Variants in COL22A1 observed in about 807,000 individuals in gnomAD.
COL22A1 encodes collagen type XXII alpha 1 chain.
Under a neutral mutation model 248.9 loss-of-function variants are expected in COL22A1, and 221 were observed. The observed-to-expected ratio is 0.89, with a 90% CI of 0.80 to 0.99. COL22A1 has a LOEUF of 0.99. Ranked by LOEUF, COL22A1 falls within the 50% of genes least tolerant of loss-of-function variation. The probability of loss-of-function intolerance (pLI) is 0.00; values close to 1 mark genes in which losing one functional copy is unlikely to be tolerated. For synonymous variants in COL22A1, 891 were observed against 793.4 expected, an observed-to-expected ratio of 1.12 and a Z score of -2.07; for missense variants, 2,240 against 2,179.0, an observed-to-expected ratio of 1.03 and a Z score of -0.56.
At position 138,694,465 on chromosome 8, in the gene COL22A1, C is replaced by A. The variant is rs753271389; in HGVS notation, c.2700+43G>T. ...TGGAGCGAGAGAGTGTGGCTGGGAT[C>A]TCCAAGTCTCTGAGCCAGCAGGGGA... is the stretch of plus-strand genomic sequence containing the variant. On this transcript the variant is annotated intron_variant, in intron 34 of 64. Transcript: ENST00000303045. 1.0e-5 allele frequency: 16 copies of A among 1,594,300 alleles called. No homozygotes were observed. In the Admixed American group the frequency reaches 2.7e-4, roughly 27 times the overall value.
intron 1 of COL22A1, among the ~76,000 whole-genome samples, chr8:138,907,118 T>C (rs978680244): frequency 3.9e-5 from 6 of 152,190 alleles, no homozygotes; most frequent in African/African-American, 1.4e-4. Context: ...TCCCAGGGAA[T>C]TGACTCACAA....
chr8:138,723,571 G>T (rs967374310), intron 25 of COL22A1, among the ~76,000 whole-genome samples: 1 of 152,170 alleles, frequency 6.6e-6, no homozygotes, highest in Non-Finnish European at 1.5e-5. Flanking sequence ...CCTTTGGATC[G>T]GATGGGATTG....
At chr8:138,726,545 C>T (rs1253469079) in intron 23 of COL22A1, among the ~76,000 whole-genome samples, 1 of 147,598 alleles carries the variant, frequency 6.8e-6, no homozygotes, top group Non-Finnish European at 1.5e-5. Context: ...CCCAACTAAA[C>T]CTATGAGCAC....
intron 3 of COL22A1, among the ~76,000 whole-genome samples, chr8:138,867,893 C>T (rs11776018): frequency 0.62 from 94,777 of 151,778 alleles, 32,007 homozygotes; most frequent in East Asian, 0.98. Flanking sequence ...GCCTCCTGAG[C>T]AGCTGGGATT....
intron 45 of COL22A1, among the ~76,000 whole-genome samples, chr8:138,655,389 T>C (rs1823150916): frequency 1.3e-5 from 2 of 152,132 alleles, no homozygotes; most frequent in Non-Finnish European, 2.9e-5. Flanking sequence ...AACAGGGTCT[T>C]GCTCTGTCAC....
intron 4 of COL22A1, among the ~76,000 whole-genome samples, chr8:138,835,885 C>T (rs1459291589): frequency 6.6e-6 from 1 of 152,078 alleles, no homozygotes. Context: ...CATGCAAATC[C>T]CTGTTCCCAC....
intron 2 of COL22A1, among the ~76,000 whole-genome samples, chr8:138,880,749 T>G (rs755359307): frequency 2.6e-5 from 4 of 152,248 alleles, no homozygotes; most frequent in Non-Finnish European, 5.9e-5. Context: ...TTTTTTTCCT[T>G]GACACAAAAG....
At chr8:138,700,554 A>G (rs1827869503) in intron 31 of COL22A1, among the ~76,000 whole-genome samples, 5 of 152,202 alleles carry the variant, frequency 3.3e-5, no homozygotes. Flanking sequence ...TCAGGCAGGG[A>G]TGCAGGTGCG....
intron 30 of COL22A1, among the ~76,000 whole-genome samples, chr8:138,705,493 A>G (rs1277835458): frequency 6.6e-6 from 1 of 152,248 alleles, no homozygotes; most frequent in Non-Finnish European, 1.5e-5. Context: ...TCTTAAAGAA[A>G]AGAATTTTCA....
intron 7 of COL22A1, among the ~76,000 whole-genome samples, 178 bp from the exon 8 acceptor site, chr8:138,813,197 A>G (rs1818386219): frequency 6.6e-6 from 1 of 152,042 alleles, no homozygotes; most frequent in South Asian, 2.1e-4. Context: ...CAAGGAGCTA[A>G]GCATCATCTG....
intron 41 of COL22A1, among the ~76,000 whole-genome samples, chr8:138,669,695 C>T (rs67432052): frequency 0.14 from 21,063 of 152,116 alleles, 1,916 homozygotes; most frequent in African/African-American, 0.26. Context: ...CCTTACTGGA[C>T]TGCCGGGAAG....
chr8:138,855,056 C>T (rs1821918924), intron 3 of COL22A1, among the ~76,000 whole-genome samples: 1 of 152,112 alleles, frequency 6.6e-6, no homozygotes, highest in Non-Finnish European at 1.5e-5. Context: ...CCTTGCATGG[C>T]CTCCAGCATC....
At chr8:138,643,679 A>G (rs1821938581) in intron 47 of COL22A1, among the ~76,000 whole-genome samples, 1 of 106,928 alleles carries the variant, frequency 9.4e-6, no homozygotes, top group African/African-American at 3.9e-5. Flanking sequence ...GATAGATTGC[A>G]TAGGGATATT....
At chr8:138,797,058 C>T (rs1346280070) in intron 11 of COL22A1, among the ~76,000 whole-genome samples, 7 of 152,170 alleles carry the variant, frequency 4.6e-5, no homozygotes, top group Non-Finnish European at 8.8e-5. Context: ...TTTCCAATAA[C>T]TCAATATTAT....
intron 10 of COL22A1, among the ~76,000 whole-genome samples, chr8:138,807,135 T>G (rs1817796153): frequency 6.6e-6 from 1 of 151,556 alleles, no homozygotes; most frequent in Admixed American, 6.6e-5. Context: ...CAGTGACACA[T>G]AAAGAGAGGC....
At chr8:138,655,850 G>T in intron 45 of COL22A1, 47 bp downstream of exon 45, 3 of 1,472,182 alleles carry the variant, frequency 2.0e-6, no homozygotes, top group East Asian at 2.3e-5. Context: ...CTCCAATCCC[G>T]CCATCACCAT....
chr8:138,805,979 T>C (rs1378793447), intron 10 of COL22A1, among the ~76,000 whole-genome samples: 1 of 94,602 alleles, frequency 1.1e-5, no homozygotes, highest in East Asian at 3.9e-4. Context: ...ATAGTGTGTG[T>C]GATTGTGTGT....
Position 138,700,253 on chromosome 8 carries a change from G to A in COL22A1, c.2560-109C>T. On this transcript the variant is annotated intron_variant, in intron 31 of 64. Coordinates refer to ENST00000303045, the MANE Select transcript of COL22A1 (RefSeq NM_152888.3). ...ACAAGTGAAAGAATACAGCCCCAAA[G>A]CTTCCTGGAACGATTATTAGTTTTG... 4 of 962,706 alleles carry A rather than the reference G, an allele frequency of 4.2e-6. No homozygotes were observed. The South Asian group carries it at 5.7e-5, about 14-fold the overall frequency. 59.6% of individuals were successfully genotyped at this position (962,706 alleles called of 1,614,324 possible).
chr8:138,779,848 T>G (rs1814800479), intron 13 of COL22A1, among the ~76,000 whole-genome samples: 1 of 152,212 alleles, frequency 6.6e-6, no homozygotes, highest in Non-Finnish European at 1.5e-5. Flanking sequence ...TCATTATAAC[T>G]TCAAAATACT....
Sources: allele counts gnomAD v4.1 joint callset (sites outside exome capture counted in the v4.1 genomes callset), GRCh38; gene constraint gnomAD v4.1.1; transcripts MANE v1.5; gene names NCBI Gene and HGNC (gene_info 2026-07-23, HGNC 2026-07-21).